Variants in POLRMT observed in about 807,000 individuals in gnomAD.
POLRMT encodes DNA-directed RNA polymerase, mitochondrial.
In POLRMT, 114 loss-of-function variants were observed where a neutral mutation model predicts 132.2. The observed-to-expected ratio is 0.86, with a 90% CI of 0.74 to 1.01. POLRMT has a LOEUF of 1.01. Ranked by LOEUF, POLRMT falls within the 50% of genes least tolerant of loss-of-function variation. POLRMT has a pLI of 0.00. For missense variants in POLRMT, 2,003 were observed against 1,729.1 expected, an observed-to-expected ratio of 1.16 and a Z score of -2.81; for synonymous variants, 1,020 against 773.4, an observed-to-expected ratio of 1.32 and a Z score of -5.29.
In POLRMT at chr19:620,023, C is replaced by T. The variant is rs1201151966; in HGVS notation, c.2821G>A (p.Ala941Thr). ...GAGGGCTCCAGGTTGACGGAGGCGG[C>T]GCCCACGCTGTCGCGGCCCAGAGCA... ...YAALGRDSVG[A>T]ASVNLEPSDV... The change falls in exon 12 of 21, where the codon GCC becomes ACC. Residue 941 changes from alanine to threonine, a missense_variant. Physicochemically the swap from Ala to Thr is moderately conservative, Grantham distance 58. Transcript: ENST00000588649. 10 of 1,574,828 alleles carry T rather than the reference C, an allele frequency of 6.3e-6. No homozygotes were observed. The highest frequency in any genetic ancestry group is 8.6e-6 in the Non-Finnish European group (10 of 1,165,044).
rs375344258 is a variant in POLRMT at position 623,482 on chromosome 19, G to A, written c.1262C>T (p.Thr421Met). ...RVCVVSVEKP[T>M]LPSKEVKHAR... ...GTGCTTGACCTCCTTGCTTGGCAAC[G>A]TGGGCTTCTCCACGGACACCACGCA... is the stretch of plus-strand genomic sequence containing the variant. The change falls in exon 6 of 21, where the codon ACG (threonine) becomes ATG (methionine). Residue 421 changes from threonine (T) to methionine (M), a missense_variant. By Grantham distance (81) the Thr-to-Met change is moderately conservative. Transcript: ENST00000588649. 18 of 1,612,478 alleles carry A rather than the reference G, an allele frequency of 1.1e-5. No homozygotes were observed. The highest frequency in any genetic ancestry group is 6.7e-5 in the African/African-American group (5 of 74,902).
intron 1 of POLRMT, chr19:633,193 A>T: frequency 1.7e-6 from 1 of 596,168 alleles, no homozygotes. Flanking sequence ...AGCCCTAAAC[A>T]CCACACCTGG....
chr19:629,467 G>C (rs1600591173), intron 3 of POLRMT, 73 bp downstream of exon 3: 12 of 1,371,520 alleles, frequency 8.7e-6, no homozygotes, highest in African/African-American at 3.0e-5. Flanking sequence ...AGAGAGAAAA[G>C]TCCAGTCTAA....
intron 13 of POLRMT, 141 bp downstream of exon 13, chr19:619,445 A>T (rs901649603): frequency 8.7e-6 from 12 of 1,383,380 alleles, no homozygotes; most frequent in Non-Finnish European, 1.1e-5. Flanking sequence ...GTCAGCAAGA[A>T]ACGCCCAAGC....
intron 10 of POLRMT, 82 bp from the exon 11 acceptor site, chr19:620,569 G>T (rs1173257546): frequency 1.4e-6 from 2 of 1,430,430 alleles, no homozygotes; most frequent in Admixed American, 2.7e-5. Flanking sequence ...GGGGAGGTGG[G>T]AAATGGGGAG....
At position 622,914 on chromosome 19, in the gene POLRMT, G is replaced by C; in HGVS notation, c.1362C>G (p.Asn454Lys). ...ALCRALRETKNRLEREVYEGR... is the reference protein window; with the variant it reads ...ALCRALRETKKRLEREVYEGR... ...CCTCGTACACCTCGCGCTCTAGGCGGTTCTTGGTCTCCCGCAGCGCCCGGC... is the reference window on the plus strand; with the variant it reads ...CCTCGTACACCTCGCGCTCTAGGCGCTTCTTGGTCTCCCGCAGCGCCCGGC... Residue 454 changes from asparagine (N) to lysine (K), a missense_variant, in exon 7 of 21, where the codon AAC (asparagine) becomes AAG (lysine). Asn to Lys is a moderately conservative substitution (Grantham distance 94). Coordinates refer to ENST00000588649, the MANE Select transcript of POLRMT (RefSeq NM_005035.4). The C allele has an allele frequency of 6.2e-7, 1 of 1,612,842 alleles. No homozygotes were observed. The highest frequency in any genetic ancestry group is 1.1e-5 in the South Asian group (1 of 91,002).
chr19:624,712 G>A lies in POLRMT; in HGVS notation c.1140+7C>T. On this transcript the variant is annotated splice_region_variant and intron_variant, in intron 5 of 20. Transcript: ENST00000588649. ...ACTGAAGTCTGCCGGGGCCCACGTG[G>A]GCTCACCTTGGCATACACGTCCCTG... 4 of 1,610,762 alleles carry A rather than the reference G, an allele frequency of 2.5e-6. No homozygotes were observed. The highest frequency in any genetic ancestry group is 3.4e-6 in the Non-Finnish European group (4 of 1,177,946).
At position 619,668 on chromosome 19, in the gene POLRMT, A is replaced by G. The variant is rs1419550784; in HGVS notation, c.2984T>C (p.Met995Thr). 1.2e-6 allele frequency: 2 copies of G among 1,610,688 alleles called. No homozygotes were observed. The highest frequency in any genetic ancestry group is 1.7e-6 in the Non-Finnish European group (2 of 1,179,558). ...ITRKVVKQTV[M>T]TVVYGVTRYG... ...GCGCGTGACCCCGTACACCACCGTC[A>G]TCACCGTCTGCTTCACCACCTTGCG... is the stretch of plus-strand genomic sequence containing the variant. Residue 995 changes from methionine to threonine, a missense_variant, in exon 13 of 21, where the codon ATG becomes ACG. Physicochemically the swap from Met to Thr is moderately conservative, Grantham distance 81 (BLOSUM62 -1). Transcript: ENST00000588649.
In POLRMT at chr19:618,942, A is replaced by G. The variant is rs560484235; in HGVS notation, c.3267+55T>C. 1.2e-4 allele frequency: 167 copies of G among 1,429,326 alleles called. No homozygotes were observed. In the African/African-American group the frequency reaches 2.1e-3, roughly 18 times the overall value. 88.5% of individuals were successfully genotyped at this position (1,429,326 alleles called of 1,614,324 possible). Reference sequence around the variant, plus strand: ...TACGCTGGGGCACTGGTACACTGGGACGCTGTTACACTGGGATGGTGGCAC... The same window carrying G: ...TACGCTGGGGCACTGGTACACTGGGGCGCTGTTACACTGGGATGGTGGCAC... On this transcript the variant is annotated intron_variant, in intron 15 of 20. Coordinates refer to ENST00000588649, the MANE Select transcript of POLRMT (RefSeq NM_005035.4).
At chr19:619,540 A>G (rs1377783338) in intron 13 of POLRMT, 46 bp downstream of exon 13, 1 of 1,606,526 alleles carries the variant, frequency 6.2e-7, no homozygotes, top group South Asian at 1.1e-5. Flanking sequence ...TGAGTTTTAA[A>G]TGGCAGTGAA....
At position 621,616 on chromosome 19, in the gene POLRMT, G is replaced by A. The variant is rs902021701; in HGVS notation, c.2082C>T (p.Gly694=). 1.6e-5 allele frequency: 24 copies of A among 1,515,848 alleles called. No homozygotes were observed. The highest frequency in any genetic ancestry group is 1.8e-5 in the Non-Finnish European group (20 of 1,134,256). 93.9% of individuals were successfully genotyped at this position (1,515,848 alleles called of 1,614,324 possible). The stretch of plus-strand genomic sequence containing the variant: ...CCAGTTGGGTGAGGGCGTCCAGTGC[G>A]CCATGCAGCGCGGTGGGCGGGCAGG... ...LETCPPTALH[G]ALDALTQLGN... is the part of the protein sequence containing the mutation. The change falls in exon 10 of 21, where the codon GGC becomes GGT. Residue 694 remains glycine (G), a synonymous_variant. Transcript: ENST00000588649.
In POLRMT at chr19:633,488, C is replaced by T; in HGVS notation, c.25G>A (p.Gly9Arg). The T allele has an allele frequency of 3.9e-6, 6 of 1,551,654 alleles. No homozygotes were observed. The African/African-American group carries it at 4.4e-5, about 11-fold the overall frequency. Residue 9 changes from glycine (G) to arginine (R), a missense_variant, in exon 1 of 21, where the codon GGA becomes AGA. Transcript: ENST00000588649. The stretch of plus-strand genomic sequence containing the variant: ...AGGGCTCGTTTGAGCCCCGCCGCTC[C>T]GCGGCCCCAGCAAAGTGCCGACATT... MSALCWGR[G>R]AAGLKRALRP...
chr19:630,831 G>A (rs964416160), intron 2 of POLRMT, among the ~76,000 whole-genome samples: 1 of 152,226 alleles, frequency 6.6e-6, no homozygotes, highest in Admixed American at 6.5e-5. Flanking sequence ...CAATGCCTAA[G>A]TGTTCTGTAT....
rs772258615 is a variant in POLRMT at position 621,414 on chromosome 19, G to C, written c.2284C>G (p.Leu762Val). 40 of 1,507,144 alleles carry C rather than the reference G, an allele frequency of 2.7e-5. No individual in the cohort carries two copies. The highest frequency in any genetic ancestry group is 3.3e-5 in the Non-Finnish European group (37 of 1,133,008). 93.4% of individuals were successfully genotyped at this position (1,507,144 alleles called of 1,614,324 possible). A position where few individuals can be genotyped will look rare whatever the true frequency, so the allele number is the denominator to read the frequency against. The change falls in exon 10 of 21, where the codon CTG becomes GTG. Residue 762 changes from leucine to valine, a missense_variant. Transcript: ENST00000588649. ...CGGGCCACCTTCTGGCAGTGCGCCA[G>C]CTCACGGCGCAGCTCGGCCTTGCGG... ...PARKAELRRE[L>V]AHCQKVAREM...
rs371102810 is a variant in POLRMT at position 618,991 on chromosome 19, A to G, written c.3267+6T>C. 1.2e-4 allele frequency: 185 copies of G among 1,568,552 alleles called. No homozygotes were observed. The highest frequency in any genetic ancestry group is 1.6e-4 in the Non-Finnish European group (179 of 1,154,214). On this transcript the variant is annotated splice_donor_region_variant and intron_variant, in intron 15 of 20. Coordinates refer to ENST00000588649, the MANE Select transcript of POLRMT (RefSeq NM_005035.4). ...ACACTGGGGAGGGATGGGGTGGTAC[A>G]CTGACCTTGACCTTGGAGTCCAGGC...
chr19:625,082 AG>A, intron 4 of POLRMT, 41 bp downstream of exon 4: 2 of 1,594,536 alleles, frequency 1.3e-6, no homozygotes, highest in Non-Finnish European at 1.7e-6. Flanking sequence ...AAACCCTGGG[AG>A]GGACATGGTG....
chr19:620,407 GGCGCGCACA>G lies in POLRMT; in HGVS notation c.2712_2720del (p.Val905_Ala907del). 6.3e-7 allele frequency: 1 copy of G among 1,587,958 alleles called. No individual in the cohort carries two copies. ...GGGAGACATAGGCGGCAGGGTCGGA[GGCGCGCACA>G]GCGTTCGCCACCTCCATACAGCAGG... On this transcript the variant is annotated inframe_deletion, in exon 11 of 21. Transcript: ENST00000588649.
rs779184986 is a variant in POLRMT at position 633,424 on chromosome 19, C to A, written c.88+1G>T. On this transcript the variant is annotated splice_donor_variant, in intron 1 of 20. Coordinates refer to ENST00000588649, the MANE Select transcript of POLRMT (RefSeq NM_005035.4). LOFTEE classifies it high-confidence loss of function. Reference sequence around the variant, plus strand: ...TGCCTGGCCGTCTCCCTTTGTGTTACCTTCTTTGCCGGGGAGTCCCGGGCG... The same window carrying A: ...TGCCTGGCCGTCTCCCTTTGTGTTAACTTCTTTGCCGGGGAGTCCCGGGCG... 5 of 1,545,932 alleles carry A rather than the reference C, an allele frequency of 3.2e-6. No individual in the cohort carries two copies. Among genetic ancestry groups the A allele is most frequent in the East Asian group, 2.5e-5 (1 of 39,856 alleles).
chr19:620,591 C>A, intron 10 of POLRMT, 104 bp from the exon 11 acceptor site: 2 of 1,360,852 alleles, frequency 1.5e-6, no homozygotes, highest in Admixed American at 5.7e-5. Context: ...AGACGCACAC[C>A]CGTGATAGTG....
Sources: gnomAD v4.1 joint callset for allele counts (sites outside exome capture counted in the v4.1 genomes callset) on GRCh38, gnomAD v4.1.1 for gene constraint, MANE v1.5 for transcripts, NCBI Gene and HGNC (gene_info 2026-07-23, HGNC 2026-07-21) for gene names.